The following TMEM270 variants were observed in gnomAD, a reference collection of about 807,000 sequenced individuals.
The protein encoded by TMEM270 is transmembrane protein 270.
TMEM270 carries 30 observed loss-of-function variants against 29.9 expected under a neutral mutation model. That is an observed-to-expected ratio of 1.00 (90% CI 0.75 to 1.36). The LOEUF (loss-of-function observed/expected upper bound fraction) is 1.36, where lower values mean the gene tolerates loss of function less well. Ranked by LOEUF, TMEM270 falls within the 40% of genes most tolerant of loss-of-function variation. The pLI, the probability that TMEM270 is intolerant of heterozygous loss-of-function variation, is 0.00. For synonymous variants in TMEM270, 135 were observed against 139.8 expected (o/e 0.97, Z 0.24); for missense variants, 313 against 307.1 (o/e 1.02, Z -0.14).
At chr7:73,863,609 C>T (rs1030632410) in intron 1 of TMEM270, among the ~76,000 whole-genome samples, 7 of 152,026 alleles carry the variant, frequency 4.6e-5, no homozygotes, top group African/African-American at 1.7e-4. Flanking sequence ...AGGCTGGTCT[C>T]GAAATCTTGA....
chr7:73,863,307 C>A (rs905282601), intron 1 of TMEM270, among the ~76,000 whole-genome samples: 4 of 152,224 alleles, frequency 2.6e-5, no homozygotes, highest in Middle Eastern at 3.4e-3. Flanking sequence ...AGCTTTCCCC[C>A]ACCTCACCCC....
In TMEM270 at chr7:73,865,017, T is replaced by C. The variant is rs782722944; in HGVS notation, c.97T>C (p.Tyr33His). The change falls in exon 2 of 3, where the codon TAT (tyrosine) becomes CAT (histidine). Residue 33 changes from tyrosine (Y) to histidine (H), a missense_variant. Transcript: ENST00000320531. ...GTTGGTTCAGAACCGAGATCACCTC[T>C]ATAATTTCCTGCTCCTCAAGATCAA... Reference protein sequence around the residue: ...VLLVQNRDHLYNFLLLKINLF... With the variant: ...VLLVQNRDHLHNFLLLKINLF... 1.5e-5 allele frequency: 22 copies of C among 1,512,914 alleles called. 1 individual carries two copies. The Admixed American group carries it at 2.3e-4, about 16-fold the overall frequency. The allele number at this position is 1,512,914 out of a possible 1,614,324, so 93.7% of individuals were successfully genotyped here.
intron 1 of TMEM270, among the ~76,000 whole-genome samples, chr7:73,863,942 C>T (rs571793134): frequency 6.6e-6 from 1 of 151,998 alleles, no homozygotes; most frequent in East Asian, 1.9e-4. Context: ...TAATAATAGC[C>T]ATGAAACCTC....
At chr7:73,862,000 T>C (rs1788797906) in intron 1 of TMEM270, among the ~76,000 whole-genome samples, 1 of 150,444 alleles carries the variant, frequency 6.6e-6, no homozygotes, top group African/African-American at 2.4e-5. Flanking sequence ...GTAGAGACCC[T>C]GTTAGCCAGG....
chr7:73,865,467 G>T (rs1005349994), intron 2 of TMEM270, 46 bp downstream of exon 2: 4 of 1,585,668 alleles, frequency 2.5e-6, no homozygotes, highest in Non-Finnish European at 8.6e-7. Flanking sequence ...GCAAACCTGG[G>T]GTACTGGGTG....
intron 1 of TMEM270, among the ~76,000 whole-genome samples, chr7:73,862,588 C>G (rs1441322536): frequency 2.7e-5 from 4 of 150,032 alleles, no homozygotes; most frequent in African/African-American, 7.3e-5. Context: ...GGACCGGGAG[C>G]TGTGGCTCAC....
At chr7:73,861,107 G>A (rs575618774), upstream of TMEM270, 792 of 1,363,972 alleles carry the variant, frequency 5.8e-4, 4 homozygotes, top group African/African-American at 8.5e-5. Flanking sequence ...GGCGGCAACC[G>A]GGTCCCCATG....
chr7:73,863,963 G>T (rs1274197297), intron 1 of TMEM270, among the ~76,000 whole-genome samples: 2 of 151,844 alleles, frequency 1.3e-5, no homozygotes, highest in African/African-American at 4.8e-5. Flanking sequence ...CTTCAGTCTG[G>T]AGTATTGTAA....
chr7:73,861,663 T>C (rs1214454079), intron 1 of TMEM270: 2 of 317,104 alleles, frequency 6.3e-6, no homozygotes, highest in Non-Finnish European at 1.3e-5. Flanking sequence ...CCCAGGCGGG[T>C]CTCCAACTCT....
At chr7:73,863,814 C>T (rs372565175) in intron 1 of TMEM270, among the ~76,000 whole-genome samples, 17 of 152,276 alleles carry the variant, frequency 1.1e-4, no homozygotes, top group African/African-American at 3.6e-4. Context: ...TCCTTTGCCC[C>T]AGCAGCCCTC....
rs782138484 is a variant in TMEM270, at chr7:73,865,114, C to T, written c.194C>T (p.Pro65Leu). 1.3e-5 allele frequency: 20 copies of T among 1,595,044 alleles called. No individual in the cohort carries two copies. The highest frequency in any genetic ancestry group is 1.5e-5 in the Non-Finnish European group (18 of 1,169,032). Residue 65 changes from proline (P) to leucine (L), a missense_variant, in exon 2 of 3, where the codon CCC becomes CTC. Pro to Leu is a moderately conservative substitution (Grantham distance 98). Transcript: ENST00000320531. ...RGSCNWQAHL[P>L]LGAAACPLGQ... ...TCCTGTAACTGGCAGGCCCACCTAC[C>T]CCTGGGAGCTGCAGCCTGCCCCCTG...
chr7:73,861,488 C>G, intron 1 of TMEM270: 1 of 644,316 alleles, frequency 1.6e-6, no homozygotes, highest in South Asian at 1.5e-5. Flanking sequence ...CTCGCTCTGT[C>G]GCCCAGCCTG....
In TMEM270 at chr7:73,865,582, G is replaced by A. The variant is rs375359234; in HGVS notation, c.507G>A (p.Leu169=). 3.1e-6 allele frequency: 5 copies of A among 1,613,466 alleles called. No homozygotes were observed. The East Asian group carries it at 1.1e-4, about 36-fold the overall frequency. ...CATCTGTCTCCCTGTTCCAGGCCTT[G>A]CAAGTGAACTGCGTGGTAAGGAAGC... ...FRLGRQLSKA[L]QVNCVVRKLL... Residue 169 remains leucine, a synonymous_variant, in exon 3 of 3, where the codon TTG becomes TTA. Transcript: ENST00000320531.
At chr7:73,864,142 C>G (rs1316092187) in intron 1 of TMEM270, among the ~76,000 whole-genome samples, 1 of 139,306 alleles carries the variant, frequency 7.2e-6, no homozygotes, top group Non-Finnish European at 1.5e-5. Flanking sequence ...AAAAAATTAG[C>G]TGGACTTAGT....
chr7:73,865,463 C>T, intron 2 of TMEM270, 42 bp downstream of exon 2: 1 of 1,586,542 alleles, frequency 6.3e-7, no homozygotes, highest in Non-Finnish European at 8.6e-7. Flanking sequence ...GAGGGCAAAC[C>T]TGGGGTACTG....
chr7:73,865,053 C>T lies in TMEM270; in HGVS notation c.133C>T (p.His45Tyr), dbSNP rs1554639732. Residue 45 changes from histidine to tyrosine, a missense_variant, in exon 2 of 3, where the codon CAC (histidine) becomes TAC (tyrosine). By Grantham distance (83) the His-to-Tyr change is moderately conservative. Transcript: ENST00000320531. ...GCTCCTCAAGATCAACCTCTTCAACCACTGGGTGTCAGGGCTGGCCCAGGA... is the reference window on the plus strand; with the variant it reads ...GCTCCTCAAGATCAACCTCTTCAACTACTGGGTGTCAGGGCTGGCCCAGGA... Reference protein sequence around the residue: ...FLLLKINLFNHWVSGLAQEAR... With the variant: ...FLLLKINLFNYWVSGLAQEAR... 1 of 1,526,918 alleles carries T rather than the reference C, an allele frequency of 6.5e-7. No individual in the cohort carries two copies. Among genetic ancestry groups the T allele is most frequent in the Admixed American group, 2.2e-5 (1 of 45,870 alleles). The allele number at this position is 1,526,918 out of a possible 1,614,324, so 94.6% of individuals were successfully genotyped here. A position where few individuals can be genotyped will look rare whatever the true frequency, so the allele number is the denominator to read the frequency against.
chr7:73,861,593 T>A (rs1554639293), intron 1 of TMEM270: 2 of 464,948 alleles, frequency 4.3e-6, no homozygotes, highest in Admixed American at 2.7e-5. Flanking sequence ...GGACTATAGG[T>A]GTGCACCACC....
Position 73,865,238 on chromosome 7 carries a change from C to G in TMEM270, c.318C>G (p.Thr106=). 6.2e-7 allele frequency: 1 copy of G among 1,613,658 alleles called. No homozygotes were observed. Among genetic ancestry groups the G allele is most frequent in the Non-Finnish European group, 8.5e-7 (1 of 1,180,018 alleles). The change falls in exon 2 of 3, where the codon ACC becomes ACG. Residue 106 remains threonine (T), a synonymous_variant. Coordinates refer to ENST00000320531, the MANE Select transcript of TMEM270 (RefSeq NM_182504.4). ...TGTGGGCTGGCATGTGGGGCAGCAC[C>G]AAGGGCCTGGGCCTGGCCTTGCTCA... The part of the protein sequence containing the change: ...RLMWAGMWGS[T]KGLGLALLSA...
At chr7:73,861,099 C>T (rs773631738), upstream of TMEM270, 91 of 1,257,072 alleles carry the variant, frequency 7.2e-5, no homozygotes, top group Non-Finnish European at 8.8e-5. Context: ...GGGTCACTGG[C>T]GGCAACCGGG....
Sources: gnomAD v4.1 joint callset for allele counts (sites outside exome capture counted in the v4.1 genomes callset) on GRCh38, gnomAD v4.1.1 for gene constraint, MANE v1.5 for transcripts, NCBI Gene and HGNC (gene_info 2026-07-23, HGNC 2026-07-21) for gene names.